CFH: variants seen among roughly 807,000 people sequenced by gnomAD.
CFH encodes complement factor H, also known as H factor 1 (complement).
A neutral mutation model predicts 147.3 loss-of-function variants in CFH; 53 were observed. The observed-to-expected ratio is 0.36, with a 90% CI of 0.29 to 0.45. CFH has a LOEUF of 0.45. Ranked by LOEUF, CFH falls within the 20% of genes least tolerant of loss-of-function variation. The pLI, the probability that CFH is intolerant of heterozygous loss-of-function variation, is 1.00. For missense variants in CFH, 1,380 were observed against 1,498.0 expected (o/e 0.92, Z 1.30); for synonymous variants, 536 against 489.4 (o/e 1.10, Z -1.26).
intron 21 of CFH, among the ~76,000 whole-genome samples, chr1:196,746,485 A>C (rs1228699420): frequency 1.3e-5 from 2 of 152,206 alleles, no homozygotes; most frequent in Non-Finnish European, 2.9e-5. Flanking sequence ...TTTTCTCTTT[A>C]TATTTATATT....
At chr1:196,714,250 C>A (rs1268115388) in intron 10 of CFH, among the ~76,000 whole-genome samples, 1 of 151,856 alleles carries the variant, frequency 6.6e-6, no homozygotes. Flanking sequence ...TAGACTTTTA[C>A]ATCAAATTCT....
Position 196,736,898 on chromosome 1 carries a change from C to A in CFH, c.2488C>A (p.Arg830=). The A allele has an allele frequency of 6.2e-7, 1 of 1,609,746 alleles. No homozygotes were observed. The highest frequency in any genetic ancestry group is 8.5e-7 in the Non-Finnish European group (1 of 1,177,444). Residue 830 remains arginine, a synonymous_variant, in exon 16 of 22, where the codon CGG becomes AGG. Coordinates refer to ENST00000367429, the MANE Select transcript of CFH (RefSeq NM_000186.4). ...CAATATGACAACCACACTGAATTAT[C>A]GGGATGGAGAAAAAGTATCTGTTCT... is the stretch of plus-strand genomic sequence containing the variant. ...SHNMTTTLNY[R]DGEKVSVLCQ...
rs774701655 is a variant in CFH, at chr1:196,652,087, C to T, written c.-31C>T. ...AACTGGACGTTGTGAACAGAGTTAGCTGGTAAATGTCCTCTTAAAAGATCC... is the reference window on the plus strand; with the variant it reads ...AACTGGACGTTGTGAACAGAGTTAGTTGGTAAATGTCCTCTTAAAAGATCC... On this transcript the variant is annotated 5_prime_UTR_variant, in exon 1 of 22. Transcript: ENST00000367429. 2.7e-6 allele frequency: 4 copies of T among 1,483,076 alleles called. No homozygotes were observed. The highest frequency in any genetic ancestry group is 3.8e-6 in the Non-Finnish European group (4 of 1,060,792). The allele number at this position is 1,483,076 out of a possible 1,614,324, so 91.9% of individuals were successfully genotyped here.
At chr1:196,659,737 C>T (rs1395489223) in intron 1 of CFH, among the ~76,000 whole-genome samples, 23 of 152,116 alleles carry the variant, frequency 1.5e-4, no homozygotes, top group Non-Finnish European at 1.5e-5. Flanking sequence ...GTCTGTGTGT[C>T]TTACAGGGAG....
intron 19 of CFH, 63 bp downstream of exon 19, chr1:196,742,114 C>T: frequency 5.2e-6 from 8 of 1,527,080 alleles, no homozygotes; most frequent in Non-Finnish European, 7.2e-6. Flanking sequence ...GTGGCTGGCG[C>T]CTGTAATCCC....
intron 11 of CFH, among the ~76,000 whole-genome samples, chr1:196,724,780 T>A (rs1366863414): frequency 2.0e-5 from 3 of 152,224 alleles, no homozygotes; most frequent in Non-Finnish European, 4.4e-5. Context: ...TGCACTTTTC[T>A]TTTTTAATAT....
rs1652617688 is a variant in CFH, at chr1:196,737,746, AG to A, written c.2782+87del. The stretch of plus-strand genomic sequence containing the variant: ...GTTATCAAAGTGAGGGGAATAATTG[AG>A]ATTACTGCATATATAAAATAATTTA... On this transcript the variant is annotated intron_variant, in intron 17 of 21. Coordinates refer to ENST00000367429, the MANE Select transcript of CFH (RefSeq NM_000186.4). The A allele has an allele frequency of 4.0e-6, 4 of 1,009,332 alleles. No homozygotes were observed. The Admixed American group carries it at 7.6e-5, about 19-fold the overall frequency. The allele number at this position is 1,009,332 out of a possible 1,614,324, so 62.5% of individuals were successfully genotyped here. A position where few individuals can be genotyped will look rare whatever the true frequency, so the allele number is the denominator to read the frequency against.
intron 20 of CFH, 115 bp from the exon 21 acceptor site, chr1:196,745,702 A>G (rs1222581846): frequency 4.1e-6 from 6 of 1,452,696 alleles, no homozygotes; most frequent in Non-Finnish European, 5.8e-6. Context: ...TTCTTTCACC[A>G]GAAATCACAA....
chr1:196,744,683 T>C (rs1051729701), intron 20 of CFH, among the ~76,000 whole-genome samples: 6 of 152,218 alleles, frequency 3.9e-5, no homozygotes, highest in Non-Finnish European at 7.4e-5. Flanking sequence ...TTGAGCTCCA[T>C]ATTAAACTCA....
chr1:196,737,465 C>T lies in CFH; in HGVS notation c.2597-10C>T. 6.3e-7 allele frequency: 1 copy of T among 1,598,206 alleles called. No homozygotes were observed. Among genetic ancestry groups the T allele is most frequent in the Non-Finnish European group, 8.6e-7 (1 of 1,167,376 alleles). On this transcript the variant is annotated splice_polypyrimidine_tract_variant and intron_variant, in intron 16 of 21. Transcript: ENST00000367429. ...TGTTTTTAACCCTTTGATTTTCATTCTTCATTTAGAAAAAATTCCATGTTC... is the reference window on the plus strand; with the variant it reads ...TGTTTTTAACCCTTTGATTTTCATTTTTCATTTAGAAAAAATTCCATGTTC...
intron 5 of CFH, 67 bp from the exon 6 acceptor site, chr1:196,679,556 A>T: frequency 8.3e-7 from 1 of 1,208,300 alleles, no homozygotes. Flanking sequence ...GTTTTCATAT[A>T]ATTATGTCCT....
chr1:196,664,333 A>T (rs1163717865), intron 1 of CFH, among the ~76,000 whole-genome samples: 1 of 152,156 alleles, frequency 6.6e-6, no homozygotes, highest in Non-Finnish European at 1.5e-5. Context: ...AAATGTTGGG[A>T]TTACAGGTGT....
At chr1:196,712,810 C>T (rs1054186927) in intron 9 of CFH, among the ~76,000 whole-genome samples, 2 of 133,178 alleles carry the variant, frequency 1.5e-5, no homozygotes, top group South Asian at 4.9e-4. Context: ...TGTTCCCCTT[C>T]CTGTGTCCAC....
At chr1:196,695,341 C>T in intron 9 of CFH, among the ~76,000 whole-genome samples, 1 of 151,816 alleles carries the variant, frequency 6.6e-6, no homozygotes, top group East Asian at 1.9e-4. Context: ...ATTTCTGAGG[C>T]CTCTGTTCTG....
At chr1:196,695,479 G>C (rs1232044967) in intron 9 of CFH, among the ~76,000 whole-genome samples, 2 of 152,056 alleles carry the variant, frequency 1.3e-5, no homozygotes, top group Admixed American at 6.6e-5. Context: ...GGATTGTCTT[G>C]GCTAGATGGG....
intron 21 of CFH, among the ~76,000 whole-genome samples, chr1:196,746,399 C>T (rs1458769097): frequency 1.3e-5 from 2 of 152,114 alleles, no homozygotes; most frequent in East Asian, 1.9e-4. Flanking sequence ...TGCAGTGAGC[C>T]GAGTTCGCGC....
At chr1:196,716,722 C>T (rs571784897) in intron 11 of CFH, among the ~76,000 whole-genome samples, 2 of 152,166 alleles carry the variant, frequency 1.3e-5, no homozygotes, top group African/African-American at 4.8e-5. Context: ...TTAAGGGACT[C>T]ACATGTTTGT....
intron 9 of CFH, among the ~76,000 whole-genome samples, chr1:196,694,846 G>C (rs1668196714): frequency 1.3e-5 from 2 of 152,092 alleles, no homozygotes; most frequent in Admixed American, 1.3e-4. Context: ...CTTTTTGATG[G>C]GGTTGTTTGT....
chr1:196,671,418 C>A (rs188515378), intron 1 of CFH, among the ~76,000 whole-genome samples: 1 of 151,800 alleles, frequency 6.6e-6, no homozygotes, highest in Non-Finnish European at 1.5e-5. Context: ...CTCTCATCAA[C>A]AAGATTGTTT....
Sources: allele counts gnomAD v4.1 joint callset (sites outside exome capture counted in the v4.1 genomes callset), GRCh38; gene constraint gnomAD v4.1.1; transcripts MANE v1.5; gene names NCBI Gene and HGNC (gene_info 2026-07-23, HGNC 2026-07-21).